ZNF600: variants seen among roughly 807,000 people sequenced by gnomAD.
The protein encoded by ZNF600 is zinc finger protein 600.
ZNF600 carries 4 observed loss-of-function variants against 7.3 expected under a neutral mutation model. The observed-to-expected ratio is 0.55, with a 90% CI of 0.27 to 1.25. The LOEUF is 1.25. ZNF600 is among the 50% of genes most tolerant of loss of function. ZNF600 has a pLI of 0.12. For synonymous variants in ZNF600, 290 were observed against 308.9 expected, an observed-to-expected ratio of 0.94 and a Z score of 0.64; for missense variants, 911 against 922.1, an observed-to-expected ratio of 0.99 and a Z score of 0.16.
chr19:52,825,863 C>A, the ZNF600 span, among the ~76,000 whole-genome samples: 19 of 152,232 alleles, frequency 1.2e-4, 1 homozygote, highest in East Asian at 3.5e-3. Flanking sequence ...TGGCACACAC[C>A]TTTAGTCCCA....
chr19:52,831,385 C>A, the ZNF600 span, among the ~76,000 whole-genome samples: 65,277 of 151,714 alleles, frequency 0.43, 16,020 homozygotes, highest in Non-Finnish European at 0.57. Flanking sequence ...TCTCGGCTCA[C>A]TGCAACCCCT....
upstream of ZNF600, among the ~76,000 whole-genome samples, chr19:52,790,355 G>T (rs1476998148): frequency 6.6e-6 from 1 of 152,132 alleles, no homozygotes; most frequent in Non-Finnish European, 1.5e-5. Flanking sequence ...AAATTTTGCA[G>T]GTGTGGTGGT....
chr19:52,793,985 T>C, the ZNF600 span, among the ~76,000 whole-genome samples: 5 of 152,196 alleles, frequency 3.3e-5, no homozygotes, highest in African/African-American at 9.7e-5. Context: ...CTGAGACGTG[T>C]AGGACTGCAA....
At chr19:52,771,080 G>A (rs779349640) in intron 3 of ZNF600, among the ~76,000 whole-genome samples, 4 of 152,048 alleles carry the variant, frequency 2.6e-5, no homozygotes, top group Non-Finnish European at 5.9e-5. Flanking sequence ...TGATTTGGCC[G>A]TCTTAGCCTC....
At chr19:52,770,065 C>T (rs1600379129) in intron 3 of ZNF600, among the ~76,000 whole-genome samples, 1 of 152,262 alleles carries the variant, frequency 6.6e-6, no homozygotes, top group East Asian at 1.9e-4. Context: ...CACCAGCACA[C>T]AATATAAGAA....
chr19:52,828,137 C>T, the ZNF600 span, among the ~76,000 whole-genome samples: 3 of 151,806 alleles, frequency 2.0e-5, no homozygotes, highest in African/African-American at 4.8e-5. Context: ...ATGCAACCTC[C>T]GCCTCCTGAG....
At chr19:52,780,206 G>A (rs2062709035) in intron 1 of ZNF600, among the ~76,000 whole-genome samples, 3 of 152,078 alleles carry the variant, frequency 2.0e-5, no homozygotes, top group African/African-American at 7.2e-5. Flanking sequence ...ATTAAACTCT[G>A]CGCCGACCAC....
chr19:52,800,145 T>C, the ZNF600 span: 2 of 1,613,854 alleles, frequency 1.2e-6, no homozygotes, highest in Non-Finnish European at 1.7e-6. Context: ...CCTATGTCTT[T>C]CCATGTGTGA....
chr19:52,800,777 C>A, the ZNF600 span: 1 of 1,613,976 alleles, frequency 6.2e-7, no homozygotes, highest in Non-Finnish European at 8.5e-7. Context: ...ATTCATTACA[C>A]TTGTAAGGTT....
At chr19:52,800,541 C>A in the ZNF600 span, 1 of 1,613,380 alleles carries the variant, frequency 6.2e-7, no homozygotes, top group African/African-American at 1.3e-5. Context: ...AGGCTTCTCT[C>A]CAGTGTGAAT....
At chr19:52,810,383 A>G in the ZNF600 span, 3 of 1,605,102 alleles carry the variant, frequency 1.9e-6, no homozygotes, top group Non-Finnish European at 2.6e-6. Context: ...GCTGTGGTTC[A>G]GTCAACCACG....
chr19:52,765,622 G>A, exon 4 of ZNF600: 1 of 1,613,878 alleles, frequency 6.2e-7, no homozygotes, highest in Non-Finnish European at 8.5e-7. Context: ...ACTGCCTGAT[G>A]GTGAATAAGT....
the ZNF600 span, chr19:52,799,419 T>A: frequency 4.3e-6 from 3 of 700,170 alleles, no homozygotes; most frequent in Non-Finnish European, 7.3e-6. Context: ...GAAAACTTTG[T>A]CACATTCTTC....
chr19:52,818,820 T>A, the ZNF600 span, among the ~76,000 whole-genome samples: 81,071 of 142,336 alleles, frequency 0.57, 26,155 homozygotes, highest in Non-Finnish European at 0.7. Flanking sequence ...GAGATACAGG[T>A]TGCAGTGAGC....
chr19:52,794,592 AC>A, the ZNF600 span, among the ~76,000 whole-genome samples: 1 of 152,046 alleles, frequency 6.6e-6, no homozygotes, highest in Non-Finnish European at 1.5e-5. Context: ...ATGGCGGCTC[AC>A]CCTGTAATCC....
chr19:52,784,041 C>G (rs1169877563), intron 1 of ZNF600, among the ~76,000 whole-genome samples: 1 of 152,008 alleles, frequency 6.6e-6, no homozygotes, highest in African/African-American at 2.4e-5. Context: ...TGCCAGTGCA[C>G]TCCAGCTTGG....
chr19:52,769,471 CT>C (rs1407366824), intron 3 of ZNF600, among the ~76,000 whole-genome samples: 8 of 152,310 alleles, frequency 5.3e-5, no homozygotes, highest in African/African-American at 1.7e-4. Flanking sequence ...GAAGGGCCCC[CT>C]GTCTAGTGGA....
chr19:52,811,314 C>G, the ZNF600 span, among the ~76,000 whole-genome samples: 1 of 150,362 alleles, frequency 6.7e-6, no homozygotes, highest in Non-Finnish European at 1.5e-5. Context: ...CGGCCGCCAC[C>G]CCGTCTGGGA....
chr19:52,829,563 G>A, the ZNF600 span, among the ~76,000 whole-genome samples: 1 of 151,586 alleles, frequency 6.6e-6, no homozygotes, highest in South Asian at 2.1e-4. Flanking sequence ...TAGTAGAGAT[G>A]GGGTTTTACC....
Sources: gnomAD v4.1 joint callset for allele counts (sites outside exome capture counted in the v4.1 genomes callset) on GRCh38, gnomAD v4.1.1 for gene constraint, MANE v1.5 for transcripts, NCBI Gene and HGNC (gene_info 2026-07-23, HGNC 2026-07-21) for gene names.